Variants in CTNND2 observed in about 807,000 individuals in gnomAD.
The protein encoded by CTNND2 is catenin delta 2, also known as catenin delta-2.
A neutral mutation model predicts 144.4 loss-of-function variants in CTNND2; 22 were observed. The observed-to-expected ratio is 0.15, with a 90% CI of 0.11 to 0.22. CTNND2 has a LOEUF of 0.22. Among genes scored for constraint, CTNND2 ranks in the 10% least tolerant of loss-of-function variants. The pLI, the probability that CTNND2 is intolerant of heterozygous loss-of-function variation, is 1.00. For missense variants in CTNND2, 1,353 were observed against 1,618.8 expected (o/e 0.84, Z 2.82); for synonymous variants, 751 against 695.6 (o/e 1.08, Z -1.25).
chr5:11,392,902 T>C lies in CTNND2; in HGVS notation c.612+4129A>G, dbSNP rs1759756479. ...TATTTCATAATTAAGCAAATGGGAG[T>C]GAAGTCATACTAGCTGTCTTTACCA... On this transcript the variant is annotated intron_variant, in intron 6 of 21. Coordinates refer to ENST00000304623, the MANE Select transcript of CTNND2 (RefSeq NM_001332.4). Among the ~76,000 whole-genome samples, 3 of 152,126 alleles carry C rather than the reference T, an allele frequency of 2.0e-5. No homozygotes were observed. In the South Asian group the frequency reaches 6.2e-4, roughly 31 times the overall value.
intron 11 of CTNND2, among the ~76,000 whole-genome samples, chr5:11,189,913 T>C (rs945269651): frequency 6.6e-6 from 1 of 152,186 alleles, no homozygotes; most frequent in Non-Finnish European, 1.5e-5. Flanking sequence ...GTCAGTCTGT[T>C]TGGGGAAGCA....
intron 9 of CTNND2, among the ~76,000 whole-genome samples, chr5:11,301,901 T>C (rs1444035692): frequency 1.3e-5 from 2 of 152,092 alleles, no homozygotes; most frequent in African/African-American, 2.4e-5. Flanking sequence ...TCCTGGAAGA[T>C]GGAACTTGGC....
At chr5:11,382,154 C>T (rs1394508808) in intron 7 of CTNND2, among the ~76,000 whole-genome samples, 1 of 152,170 alleles carries the variant, frequency 6.6e-6, no homozygotes, top group African/African-American at 2.4e-5. Context: ...ATTAAAAAGT[C>T]TCTTCCTAAT....
chr5:11,323,769 T>A (rs1007412305), intron 9 of CTNND2, among the ~76,000 whole-genome samples: 1 of 152,054 alleles, frequency 6.6e-6, no homozygotes, highest in African/African-American at 2.4e-5. Context: ...ATCTACTAGG[T>A]GTAAATATGA....
In CTNND2 at chr5:11,439,399, G is replaced by A. The variant is rs1420225316; in HGVS notation, c.288-27330C>T. On this transcript the variant is annotated intron_variant, in intron 3 of 21. Coordinates refer to ENST00000304623, the MANE Select transcript of CTNND2 (RefSeq NM_001332.4). ...TGGCCAGAAATTCTGGGATACCCTCGTTAGTCATAAAGAGGAAGTCACTTT... is the reference window on the plus strand; with the variant it reads ...TGGCCAGAAATTCTGGGATACCCTCATTAGTCATAAAGAGGAAGTCACTTT... 5.3e-5 allele frequency among the ~76,000 whole-genome samples: 8 copies of A among 152,158 alleles called. No homozygotes were observed. In the East Asian group the frequency reaches 7.7e-4, roughly 15 times the overall value.
intron 3 of CTNND2, among the ~76,000 whole-genome samples, chr5:11,552,158 A>G (rs1284508780): frequency 6.6e-6 from 1 of 152,042 alleles, no homozygotes; most frequent in Admixed American, 6.6e-5. Context: ...AAGACATTAA[A>G]CCCTTGGGAA....
At chr5:11,509,024 G>C (rs1344417626) in intron 3 of CTNND2, among the ~76,000 whole-genome samples, 1 of 152,194 alleles carries the variant, frequency 6.6e-6, no homozygotes, top group Non-Finnish European at 1.5e-5. Context: ...TTAAGTTGCA[G>C]GGACTTTAAT....
At chr5:11,442,863 A>T (rs1764396537) in intron 3 of CTNND2, among the ~76,000 whole-genome samples, 1 of 144,900 alleles carries the variant, frequency 6.9e-6, no homozygotes, top group Admixed American at 6.9e-5. Flanking sequence ...TGATTATATT[A>T]TAATTATTAT....
rs1741543528 is a variant in CTNND2 at position 11,015,816 on chromosome 5, C to T, written c.3084+2158G>A. ...TTCCTTTCTAATTTATACCATGTTC[C>T]TCATTTCTGGCTGCCTATTTAGCTG... is the stretch of plus-strand genomic sequence containing the variant. On this transcript the variant is annotated intron_variant, in intron 18 of 21. Coordinates refer to ENST00000304623, the MANE Select transcript of CTNND2 (RefSeq NM_001332.4). 1.3e-5 allele frequency among the ~76,000 whole-genome samples: 2 copies of T among 152,202 alleles called. 1 individual carries two copies. Among genetic ancestry groups the T allele is most frequent in the South Asian group, 4.1e-4 (2 of 4,834 alleles).
At position 11,111,057 on chromosome 5, in the gene CTNND2, G is replaced by T; in HGVS notation, c.2278-14C>A. ...GTTTTCAACGGTCTGCAGAAAAGGG[G>T]GAAACAGAGGAAAGAATGAGTAAAA... On this transcript the variant is annotated splice_polypyrimidine_tract_variant and intron_variant, in intron 13 of 21. Transcript: ENST00000304623. The T allele has an allele frequency of 6.2e-7, 1 of 1,607,048 alleles. No individual in the cohort carries two copies. Among genetic ancestry groups the T allele is most frequent in the African/African-American group, 1.3e-5 (1 of 74,886 alleles).
chr5:11,615,388 A>G (rs1407298711), intron 2 of CTNND2, among the ~76,000 whole-genome samples: 2 of 149,162 alleles, frequency 1.3e-5, no homozygotes, highest in East Asian at 3.8e-4. Flanking sequence ...ATTTTCCCCT[A>G]TTAATTGAAT....
chr5:11,049,275 T>C (rs933073042), intron 16 of CTNND2, among the ~76,000 whole-genome samples: 1 of 152,166 alleles, frequency 6.6e-6, no homozygotes, highest in Non-Finnish European at 1.5e-5. Context: ...TCATGGGCTT[T>C]TGGAGGCTTT....
At chr5:11,071,964 C>T (rs1451361653) in intron 16 of CTNND2, among the ~76,000 whole-genome samples, 1 of 152,066 alleles carries the variant, frequency 6.6e-6, no homozygotes, top group Non-Finnish European at 1.5e-5. Context: ...GGTTTATGTT[C>T]GAATCTGAGG....
intron 1 of CTNND2, among the ~76,000 whole-genome samples, chr5:11,866,292 G>C (rs1031936086): frequency 2.0e-5 from 3 of 152,154 alleles, no homozygotes; most frequent in African/African-American, 7.2e-5. Context: ...GATAACGCCA[G>C]ACGTTGTCTC....
intron 2 of CTNND2, among the ~76,000 whole-genome samples, chr5:11,566,340 T>C (rs981533866): frequency 3.3e-5 from 5 of 152,230 alleles, no homozygotes; most frequent in Non-Finnish European, 5.9e-5. Context: ...AGTATTATAG[T>C]TAAGAAATTA....
At chr5:11,625,894 C>T (rs1198249558) in intron 2 of CTNND2, among the ~76,000 whole-genome samples, 2 of 151,986 alleles carry the variant, frequency 1.3e-5, no homozygotes, top group East Asian at 1.9e-4. Flanking sequence ...CTTAATAATG[C>T]CAACAAAAAT....
chr5:11,154,347 A>T (rs1758021097), intron 12 of CTNND2, among the ~76,000 whole-genome samples: 1 of 152,184 alleles, frequency 6.6e-6, no homozygotes. Context: ...TCCAGTCAAG[A>T]GGTTGGATAT....
At chr5:11,642,693 T>C (rs1161436245) in intron 2 of CTNND2, among the ~76,000 whole-genome samples, 1 of 152,198 alleles carries the variant, frequency 6.6e-6, no homozygotes. Context: ...GCACAGGCAA[T>C]AAGGGTGACC....
intron 3 of CTNND2, among the ~76,000 whole-genome samples, chr5:11,529,824 T>C (rs769651066): frequency 6.6e-6 from 1 of 152,114 alleles, no homozygotes; most frequent in African/African-American, 2.4e-5. Context: ...CTTGCCTTGG[T>C]TTATTGTCTT....
Sources: gnomAD v4.1 joint callset for allele counts (sites outside exome capture counted in the v4.1 genomes callset) on GRCh38, gnomAD v4.1.1 for gene constraint, MANE v1.5 for transcripts, NCBI Gene and HGNC (gene_info 2026-07-23, HGNC 2026-07-21) for gene names.